Variants in CNTN5 observed in about 807,000 individuals in gnomAD.
CNTN5 encodes the protein contactin-5.
Under a neutral mutation model 129.1 loss-of-function variants are expected in CNTN5, and 77 were observed. The ratio of observed to expected loss-of-function variants is 0.60; its 90% CI spans 0.50 to 0.72. The LOEUF (loss-of-function observed/expected upper bound fraction) is 0.72, where lower values mean the gene tolerates loss of function less well. Among genes scored for constraint, CNTN5 ranks in the 30% least tolerant of loss-of-function variants. The pLI, the probability that CNTN5 is intolerant of heterozygous loss-of-function variation, is 0.00. For synonymous variants in CNTN5, 509 were observed against 465.6 expected, an observed-to-expected ratio of 1.09 and a Z score of -1.20; for missense variants, 1,478 against 1,328.8, an observed-to-expected ratio of 1.11 and a Z score of -1.75.
intron 2 of CNTN5, among the ~76,000 whole-genome samples, chr11:99,351,120 A>T (rs1049696162): frequency 3.9e-5 from 6 of 152,218 alleles, no homozygotes; most frequent in African/African-American, 1.4e-4. Context: ...ATACCTAGGT[A>T]ACAAAACTGC....
chr11:99,400,757 T>C (rs1001561590), intron 2 of CNTN5, among the ~76,000 whole-genome samples: 13 of 152,196 alleles, frequency 8.5e-5, no homozygotes, highest in African/African-American at 2.9e-4. Flanking sequence ...GCCTGTCTTT[T>C]GGATATAAGC....
At chr11:99,224,612 A>G (rs1216447181) in intron 1 of CNTN5, among the ~76,000 whole-genome samples, 47 of 150,548 alleles carry the variant, frequency 3.1e-4, no homozygotes, top group Admixed American at 3.1e-3. Context: ...CATGACTAAC[A>G]GCTAGCTATC....
At chr11:99,472,418 A>G (rs1474430966) in intron 2 of CNTN5, among the ~76,000 whole-genome samples, 1 of 152,154 alleles carries the variant, frequency 6.6e-6, no homozygotes, top group Non-Finnish European at 1.5e-5. Flanking sequence ...TCTGTTTCAC[A>G]TCATTGTAAA....
intron 9 of CNTN5, among the ~76,000 whole-genome samples, chr11:100,004,897 T>C (rs1211497599): frequency 6.6e-6 from 1 of 152,186 alleles, no homozygotes; most frequent in East Asian, 1.9e-4. Context: ...CTTTTTCCTC[T>C]TGCCTTCTCA....
chr11:99,196,924 G>C (rs532397145), intron 1 of CNTN5, among the ~76,000 whole-genome samples: 1 of 151,814 alleles, frequency 6.6e-6, no homozygotes, highest in Non-Finnish European at 1.5e-5. Context: ...GTCAGGAAAA[G>C]AGAAAATAAG....
intron 1 of CNTN5, among the ~76,000 whole-genome samples, chr11:99,062,101 G>T (rs1330536420): frequency 6.6e-6 from 1 of 152,070 alleles, no homozygotes; most frequent in Admixed American, 6.6e-5. Context: ...TTGTAGTGGA[G>T]TTATTCAAGA....
intron 3 of CNTN5, among the ~76,000 whole-genome samples, chr11:99,788,239 A>G (rs1332170207): frequency 1.3e-5 from 2 of 151,942 alleles, no homozygotes; most frequent in African/African-American, 4.8e-5. Flanking sequence ...TTCCTCCATT[A>G]ATGAATACTG....
chr11:99,170,043 T>C (rs936106970), intron 1 of CNTN5, among the ~76,000 whole-genome samples: 2 of 152,178 alleles, frequency 1.3e-5, no homozygotes, highest in Non-Finnish European at 2.9e-5. Context: ...ACTAATATTG[T>C]GTATCAGTTT....
At chr11:99,071,628 C>G (rs576996437) in intron 1 of CNTN5, among the ~76,000 whole-genome samples, 2 of 151,956 alleles carry the variant, frequency 1.3e-5, no homozygotes, top group Admixed American at 6.6e-5. Flanking sequence ...AATGTATAAG[C>G]CATGTACTTC....
intron 1 of CNTN5, among the ~76,000 whole-genome samples, chr11:99,056,196 T>C (rs2135192735): frequency 6.6e-6 from 1 of 152,110 alleles, no homozygotes; most frequent in South Asian, 2.1e-4. Context: ...ATGTAGTATA[T>C]ATATAAAATG....
Position 99,575,433 on chromosome 11 carries a change from A to C in CNTN5, c.55+19164A>C, listed in dbSNP as rs144157804. On this transcript the variant is annotated intron_variant, in intron 3 of 24. Coordinates refer to ENST00000524871, the MANE Select transcript of CNTN5 (RefSeq NM_014361.4). ...GGTCATTGGAGTGTCTGCAGAGAGG[A>C]AAGATATGCCTTTTACTCTACATCT... Among the ~76,000 whole-genome samples the C allele has an allele frequency of 7.2e-3, 1,091 of 152,248 alleles. 7 individuals are homozygous for C. The highest frequency in any genetic ancestry group is 0.027 in the Middle Eastern group (8 of 294).
chr11:99,380,594 A>G (rs1235558799), intron 2 of CNTN5, among the ~76,000 whole-genome samples: 1 of 151,788 alleles, frequency 6.6e-6, no homozygotes, highest in African/African-American at 2.4e-5. Context: ...ACATGGTGAG[A>G]CCCTGTCTCT....
chr11:99,656,388 G>A, intron 3 of CNTN5, among the ~76,000 whole-genome samples: 1 of 151,938 alleles, frequency 6.6e-6, no homozygotes. Flanking sequence ...AGAAACTGTT[G>A]GAAAACAAAG....
intron 18 of CNTN5, among the ~76,000 whole-genome samples, chr11:100,295,688 A>T (rs1227359541): frequency 1.3e-5 from 2 of 150,952 alleles, no homozygotes; most frequent in African/African-American, 4.8e-5. Context: ...CTTTTTTTTT[A>T]GATGATGTTT....
chr11:99,468,500 C>G (rs926421894), intron 2 of CNTN5, among the ~76,000 whole-genome samples: 1 of 152,126 alleles, frequency 6.6e-6, no homozygotes, highest in East Asian at 1.9e-4. Context: ...CTCTAGCTGC[C>G]GCCAACAGCC....
intron 2 of CNTN5, among the ~76,000 whole-genome samples, chr11:99,492,786 T>A (rs572596991): frequency 6.6e-6 from 1 of 152,210 alleles, no homozygotes; most frequent in Admixed American, 6.5e-5. Flanking sequence ...TATGCTTGGA[T>A]TTGAGGAAGG....
chr11:100,269,402 A>C (rs534587712), intron 17 of CNTN5, among the ~76,000 whole-genome samples: 1 of 152,324 alleles, frequency 6.6e-6, no homozygotes, highest in East Asian at 1.9e-4. Context: ...AACTGAGCGA[A>C]GGCTGGAAGG....
At chr11:99,491,167 C>T (rs1378318634) in intron 2 of CNTN5, among the ~76,000 whole-genome samples, 1 of 152,086 alleles carries the variant, frequency 6.6e-6, no homozygotes, top group Non-Finnish European at 1.5e-5. Flanking sequence ...GATACAAATT[C>T]AATCAATCAT....
At chr11:99,276,059 C>T (rs2135872849) in intron 1 of CNTN5, among the ~76,000 whole-genome samples, 1 of 151,634 alleles carries the variant, frequency 6.6e-6, no homozygotes, top group African/African-American at 2.4e-5. Flanking sequence ...TCCTTTGATC[C>T]CCTGGGGAGT....
Sources: allele counts gnomAD v4.1 joint callset (sites outside exome capture counted in the v4.1 genomes callset), GRCh38; gene constraint gnomAD v4.1.1; transcripts MANE v1.5; gene names NCBI Gene and HGNC (gene_info 2026-07-23, HGNC 2026-07-21).